Variants in TSPAN32 observed in about 807,000 individuals in gnomAD.
TSPAN32 encodes the protein tetraspanin-32.
In TSPAN32, 47 loss-of-function variants were observed where a neutral mutation model predicts 42.7. The ratio of observed to expected loss-of-function variants is 1.10; its 90% CI spans 0.87 to 1.40. The LOEUF is 1.40. TSPAN32 is among the 40% of genes most tolerant of loss of function. The pLI is 0.00. For missense variants in TSPAN32, 469 were observed against 424.1 expected (o/e 1.11, Z -0.93); for synonymous variants, 175 against 175.9 (o/e 0.99, Z 0.04).
rs1429761393 is a variant in TSPAN32 at position 2,317,062 on chromosome 11, G to A, written c.720-282G>A. Among the ~76,000 whole-genome samples, 3 of 152,046 alleles carry A rather than the reference G, an allele frequency of 2.0e-5. No homozygotes were observed. The highest frequency in any genetic ancestry group is 7.2e-5 in the African/African-American group (3 of 41,382). On this transcript the variant is annotated intron_variant, in intron 8 of 9. Transcript: ENST00000182290. This position sits in a 1 kb window ranked among gnomAD's most constrained non-coding sequence, Gnocchi z 6.2. ...GCTCTTCCTGCCCCCACGGAGCCTG[G>A]CCCGTCTCTGCCTGCCATGCCCATT...
Position 2,315,479 on chromosome 11 carries a change from C to T in TSPAN32, c.544-750C>T, listed in dbSNP as rs879391209. 3.1e-5 allele frequency: 35 copies of T among 1,141,990 alleles called. No individual in the cohort carries two copies. The African/African-American group carries it at 3.7e-4, about 12-fold the overall frequency. The allele number at this position is 1,141,990 out of a possible 1,614,324, so 70.7% of individuals were successfully genotyped here. ...GAAAAGCAGGAGCGAGGGCCTGCCT[C>T]GAGCACCCTTGGGATGGCAGGGCCA... On this transcript the variant is annotated intron_variant, in intron 6 of 9. Transcript: ENST00000182290.
intron 4 of TSPAN32, among the ~76,000 whole-genome samples, chr11:2,310,774 C>T (rs1397907711): frequency 6.6e-6 from 1 of 152,224 alleles, no homozygotes; most frequent in Non-Finnish European, 1.5e-5. Context: ...TGCCTCCTGC[C>T]GTGCCCCGTT....
chr11:2,317,872 G>A lies in TSPAN32; in HGVS notation c.911G>A (p.Gly304Asp). 2 of 1,545,406 alleles carry A rather than the reference G, an allele frequency of 1.3e-6. No homozygotes were observed. The highest frequency in any genetic ancestry group is 1.8e-6 in the Non-Finnish European group (2 of 1,117,692). The stretch of plus-strand genomic sequence containing the variant: ...ATTTATGATCTCGCAGCTCTCCAGG[G>A]CAGAAGTCGCGGTGGGCTCAGTGGG... ...CHLAAHRALQ[G>D]RSRGGLSGCP... Residue 304 changes from glycine to aspartate, a missense_variant, in exon 10 of 10, where the codon GGC becomes GAC. Coordinates refer to ENST00000182290, the MANE Select transcript of TSPAN32 (RefSeq NM_139022.3). This position sits in a 1 kb window ranked among gnomAD's most constrained non-coding sequence, Gnocchi z 6.2.
intron 3 of TSPAN32, among the ~76,000 whole-genome samples, chr11:2,308,042 G>GGTCCAT (rs997496246): frequency 6.6e-6 from 1 of 152,158 alleles, no homozygotes; most frequent in African/African-American, 2.4e-5. Flanking sequence ...GCCCTGTCCA[G>GGTCCAT]GTCCATGCCC....
At chr11:2,303,709 G>A (rs1223136373) in intron 2 of TSPAN32, among the ~76,000 whole-genome samples, 2 of 151,790 alleles carry the variant, frequency 1.3e-5, no homozygotes, top group East Asian at 1.9e-4. Flanking sequence ...GTCCAGGTCC[G>A]GACTGATAAG....
rs1848846213 is a variant in TSPAN32 at position 2,317,158 on chromosome 11, C to T, written c.720-186C>T. Among the ~76,000 whole-genome samples the T allele has an allele frequency of 6.6e-6, 1 of 152,170 alleles. No individual in the cohort carries two copies. The highest frequency in any genetic ancestry group is 2.4e-5 in the African/African-American group (1 of 41,430). On this transcript the variant is annotated intron_variant, in intron 8 of 9. Coordinates refer to ENST00000182290, the MANE Select transcript of TSPAN32 (RefSeq NM_139022.3). The surrounding 1 kb of genome is among the most constrained non-coding windows in gnomAD (Gnocchi z 6.2). ...GGTCCTCTGCATTCTACAATAGCCT[C>T]ACAGTCCCGTCTAGAACATTCTGCA...
At chr11:2,316,436 C>T in intron 7 of TSPAN32, 124 bp downstream of exon 7, 4 of 1,549,374 alleles carry the variant, frequency 2.6e-6, no homozygotes, top group Non-Finnish European at 3.5e-6. Context: ...TGGCTGCCAA[C>T]CTCAGGGAGC....
chr11:2,317,307 C>T lies in TSPAN32; in HGVS notation c.720-37C>T. Reference sequence around the variant, plus strand: ...ATAGCCTCACAGGTCCCCTGTAGAACATTCCACCACAGCCCCATGATCCCC... The same window carrying T: ...ATAGCCTCACAGGTCCCCTGTAGAATATTCCACCACAGCCCCATGATCCCC... On this transcript the variant is annotated intron_variant, in intron 8 of 9. Coordinates refer to ENST00000182290, the MANE Select transcript of TSPAN32 (RefSeq NM_139022.3). The surrounding 1 kb of genome is among the most constrained non-coding windows in gnomAD (Gnocchi z 6.2). The T allele has an allele frequency of 6.5e-7, 1 of 1,527,060 alleles. No homozygotes were observed. Among genetic ancestry groups the T allele is most frequent in the Non-Finnish European group, 8.9e-7 (1 of 1,122,042 alleles). The allele number at this position is 1,527,060 out of a possible 1,614,324, so 94.6% of individuals were successfully genotyped here. A position where few individuals can be genotyped will look rare whatever the true frequency, so the allele number is the denominator to read the frequency against.
chr11:2,313,162 C>T lies in TSPAN32; in HGVS notation c.355-492C>T, dbSNP rs1462908200. Among the ~76,000 whole-genome samples the T allele has an allele frequency of 5.3e-5, 8 of 152,106 alleles. 1 individual carries two copies. In the South Asian group the frequency reaches 1.2e-3, roughly 24 times the overall value. On this transcript the variant is annotated intron_variant, in intron 4 of 9. Transcript: ENST00000182290. The surrounding 1 kb of genome is among the most constrained non-coding windows in gnomAD (Gnocchi z 9.1). ...GGCTTCTCTGGTCAAAAGCCTTACCCGGAGCCCAGCTGCCCGGGCTTCCAG... is the reference window on the plus strand; with the variant it reads ...GGCTTCTCTGGTCAAAAGCCTTACCTGGAGCCCAGCTGCCCGGGCTTCCAG...
intron 6 of TSPAN32, 158 bp downstream of exon 6, chr11:2,314,729 G>C: frequency 1.6e-6 from 1 of 623,290 alleles, no homozygotes; most frequent in South Asian, 2.0e-5. Context: ...GTTCTGATGT[G>C]ATCGGAGGCT....
At chr11:2,314,689 T>G in intron 6 of TSPAN32, 118 bp downstream of exon 6, 2 of 768,298 alleles carry the variant, frequency 2.6e-6, no homozygotes, top group Non-Finnish European at 4.3e-6. Flanking sequence ...CCCAGACCCT[T>G]GGGAACTGCC....
intron 4 of TSPAN32, among the ~76,000 whole-genome samples, chr11:2,312,747 C>T (rs1477248837): frequency 1.3e-5 from 2 of 152,194 alleles, no homozygotes; most frequent in East Asian, 1.9e-4. Context: ...TTCCATCCTC[C>T]CCCAGCCCTT....
At chr11:2,316,815 AC>A in intron 8 of TSPAN32, 148 bp downstream of exon 8, 1 of 866,884 alleles carries the variant, frequency 1.2e-6, no homozygotes, top group Non-Finnish European at 1.7e-6. Context: ...GTGGCTGAGC[AC>A]CAGGGTGGGG....
Position 2,317,100 on chromosome 11 carries a change from T to G in TSPAN32, c.720-244T>G, listed in dbSNP as rs1389376417. On this transcript the variant is annotated intron_variant, in intron 8 of 9. Transcript: ENST00000182290. This position sits in a 1 kb window ranked among gnomAD's most constrained non-coding sequence, Gnocchi z 6.2. The stretch of plus-strand genomic sequence containing the variant: ...TGCCATGCCCATTAACCCACCCACT[T>G]GCTCTTCCTGGCCATCCAAGCCCTC... Among the ~76,000 whole-genome samples the G allele has an allele frequency of 6.6e-6, 1 of 152,096 alleles. No individual in the cohort carries two copies. Among genetic ancestry groups the G allele is most frequent in the Non-Finnish European group, 1.5e-5 (1 of 68,000 alleles).
chr11:2,309,334 G>A (rs1339221956), intron 4 of TSPAN32: 1 of 470,630 alleles, frequency 2.1e-6, no homozygotes, highest in Admixed American at 2.3e-5. Context: ...CCATCCTTCC[G>A]TCCTGGATGC....
At chr11:2,315,464 A>C in intron 6 of TSPAN32, 1 of 1,133,832 alleles carries the variant, frequency 8.8e-7, no homozygotes, top group Non-Finnish European at 1.1e-6. Context: ...GAAAAGCAGG[A>C]GCGAGGGCCT....
chr11:2,314,336 G>C (rs1848654191), intron 5 of TSPAN32, 149 bp from the exon 6 acceptor site: 3 of 702,914 alleles, frequency 4.3e-6, no homozygotes, highest in Non-Finnish European at 7.7e-6. Flanking sequence ...TGGAGCCCCA[G>C]CAGAAGCAGC....
intron 4 of TSPAN32, among the ~76,000 whole-genome samples, 187 bp downstream of exon 4, chr11:2,308,997 G>A (rs1352749299): frequency 6.6e-6 from 1 of 152,078 alleles, no homozygotes; most frequent in Admixed American, 6.5e-5. Context: ...AGCGCTGGAG[G>A]TGGGTGAGGG....
chr11:2,314,440 G>C (rs757625394), intron 5 of TSPAN32, 45 bp from the exon 6 acceptor site: 1 of 1,518,044 alleles, frequency 6.6e-7, no homozygotes, highest in East Asian at 2.3e-5. Context: ...CCGCCTCCTG[G>C]GGTCTCGGGA....
Sources: allele counts gnomAD v4.1 joint callset (sites outside exome capture counted in the v4.1 genomes callset), GRCh38; gene constraint gnomAD v4.1.1; non-coding constraint Gnocchi (gnomAD v3.1); transcripts MANE v1.5; gene names NCBI Gene and HGNC (gene_info 2026-07-23, HGNC 2026-07-21).